The following CACNA1D variants were observed in gnomAD, a reference collection of about 807,000 sequenced individuals.
The protein encoded by CACNA1D is voltage-dependent L-type calcium channel subunit alpha-1D.
Under a neutral mutation model 257.1 loss-of-function variants are expected in CACNA1D, and 55 were observed. That is an observed-to-expected ratio of 0.21 (90% confidence interval 0.17 to 0.27). The LOEUF (loss-of-function observed/expected upper bound fraction) is 0.27. CACNA1D is among the 10% of genes least tolerant of loss of function. CACNA1D has a pLI of 1.00. For synonymous variants in CACNA1D, 980 were observed against 1,014.9 expected (o/e 0.97, Z 0.65); for missense variants, 1,876 against 2,784.0 (o/e 0.67, Z 7.34).
intron 21 of CACNA1D, chr3:53,740,567 G>GTT: frequency 4.3e-5 from 16 of 372,126 alleles, no homozygotes; most frequent in South Asian, 8.3e-5. Context: ...TTTTTTATGG[G>GTT]TTTTTTTTTT....
chr3:53,622,156 A>G (rs1210320149), intron 3 of CACNA1D, among the ~76,000 whole-genome samples: 1 of 152,096 alleles, frequency 6.6e-6, no homozygotes, highest in Non-Finnish European at 1.5e-5. Flanking sequence ...GTTCAGGTGA[A>G]TCTCCTGCCT....
In CACNA1D at chr3:53,705,749, T is replaced by C. The variant is rs542230599; in HGVS notation, c.1390+2939T>C. 9.2e-5 allele frequency among the ~76,000 whole-genome samples: 14 copies of C among 152,274 alleles called. No homozygotes were observed. In the East Asian group the frequency reaches 1.5e-3, roughly 17 times the overall value. ...GACTTGAGAGCACCAAGTCTCCTCC[T>C]CCTCTGAGGAGAGAACCTCTCTGAT... On this transcript the variant is annotated intron_variant, in intron 9 of 47. Coordinates refer to ENST00000350061, the MANE Select transcript of CACNA1D (RefSeq NM_001128840.3).
At chr3:53,682,539 A>G (rs149081178) in intron 8 of CACNA1D, among the ~76,000 whole-genome samples, 136 of 147,730 alleles carry the variant, frequency 9.2e-4, no homozygotes, top group Middle Eastern at 7.0e-3. Flanking sequence ...CCTGGGGAGC[A>G]GAGTGAGACC....
chr3:53,742,973 G>A (rs1041183551), intron 21 of CACNA1D, 38 bp from the exon 22 acceptor site: 17 of 1,369,992 alleles, frequency 1.2e-5, no homozygotes, highest in Non-Finnish European at 1.8e-5. Flanking sequence ...TTCCTTTGGA[G>A]ACAAAAAATG....
At chr3:53,496,105 A>G (rs886328941) in intron 1 of CACNA1D, among the ~76,000 whole-genome samples, 1 of 152,134 alleles carries the variant, frequency 6.6e-6, no homozygotes, top group Non-Finnish European at 1.5e-5. Flanking sequence ...AGGCTTTCAG[A>G]CCCGTGCTTG....
At chr3:53,710,765 T>C (rs1452519862) in intron 9 of CACNA1D, among the ~76,000 whole-genome samples, 5 of 152,250 alleles carry the variant, frequency 3.3e-5, no homozygotes, top group African/African-American at 1.2e-4. Flanking sequence ...AGGCAGACTT[T>C]TAAAATACTT....
At chr3:53,604,572 A>C (rs1256973508) in intron 3 of CACNA1D, among the ~76,000 whole-genome samples, 1 of 152,204 alleles carries the variant, frequency 6.6e-6, no homozygotes, top group Admixed American at 6.5e-5. Flanking sequence ...CATGGGACCA[A>C]CATCTAGCAG....
chr3:53,728,200 G>A (rs1033510541), intron 15 of CACNA1D, among the ~76,000 whole-genome samples: 7 of 152,148 alleles, frequency 4.6e-5, no homozygotes, highest in Non-Finnish European at 5.9e-5. Context: ...GTGCAGTGGT[G>A]CAATCTCGGC....
chr3:53,736,752 G>A (rs987161009), intron 20 of CACNA1D, among the ~76,000 whole-genome samples: 3 of 152,054 alleles, frequency 2.0e-5, no homozygotes, highest in Admixed American at 6.6e-5. Context: ...TTAGCCACAC[G>A]TATTGGCACA....
chr3:53,803,939 G>C (rs2095548939), intron 44 of CACNA1D, among the ~76,000 whole-genome samples: 1 of 152,174 alleles, frequency 6.6e-6, no homozygotes, highest in Non-Finnish European at 1.5e-5. Context: ...CCAGGGCTCT[G>C]TGTGGACGGC....
intron 28 of CACNA1D, among the ~76,000 whole-genome samples, chr3:53,753,007 G>A (rs1173722503): frequency 1.3e-5 from 2 of 152,206 alleles, no homozygotes; most frequent in East Asian, 3.9e-4. Flanking sequence ...GCCAGCTTTT[G>A]CACTGACTTT....
intron 3 of CACNA1D, among the ~76,000 whole-genome samples, chr3:53,626,881 A>G (rs2093765567): frequency 6.6e-6 from 1 of 152,122 alleles, no homozygotes; most frequent in African/African-American, 2.4e-5. Flanking sequence ...ACGAAACGTC[A>G]GTGTTTTCAT....
chr3:53,566,345 C>T (rs2092835729), intron 3 of CACNA1D, among the ~76,000 whole-genome samples: 2 of 152,298 alleles, frequency 1.3e-5, no homozygotes, highest in Admixed American at 6.5e-5. Context: ...ATTTGCTCTC[C>T]TCTTCCTTCT....
At chr3:53,707,805 AG>A (rs1475801854) in intron 9 of CACNA1D, among the ~76,000 whole-genome samples, 1 of 151,872 alleles carries the variant, frequency 6.6e-6, no homozygotes, top group Non-Finnish European at 1.5e-5. Flanking sequence ...AAAAAAAAAA[AG>A]CATTAAAAAT....
intron 42 of CACNA1D, 92 bp from the exon 43 acceptor site, chr3:53,802,055 C>T (rs2095538918): frequency 8.8e-7 from 1 of 1,135,618 alleles, no homozygotes; most frequent in African/African-American, 1.5e-5. Context: ...AACCCCTACT[C>T]TAGGAGGTAG....
chr3:53,790,331 C>T (rs1373275208), intron 40 of CACNA1D, among the ~76,000 whole-genome samples: 1 of 152,262 alleles, frequency 6.6e-6, no homozygotes, highest in Non-Finnish European at 1.5e-5. Context: ...AAGTTACAGA[C>T]ACTCATTAGT....
chr3:53,674,249 G>A (rs2094352506), intron 8 of CACNA1D, among the ~76,000 whole-genome samples: 1 of 152,138 alleles, frequency 6.6e-6, no homozygotes, highest in Non-Finnish European at 1.5e-5. Flanking sequence ...TACTTCCAGG[G>A]GAGTTTTAGA....
intron 45 of CACNA1D, among the ~76,000 whole-genome samples, chr3:53,807,206 C>CGCT (rs1002499661): frequency 6.6e-6 from 1 of 152,038 alleles, no homozygotes; most frequent in Non-Finnish European, 1.5e-5. Context: ...GGAGAGGGAC[C>CGCT]GCTGCTCTCC....
rs3774435 is a variant in CACNA1D at position 53,534,494 on chromosome 3, G to A, written c.483+32774G>A. ...TCCGCATCTTCCTGCCTGGGAGGGC[G>A]GCTAGGGTGGTGCCTGCAGCCTCTG... is the stretch of plus-strand genomic sequence containing the variant. On this transcript the variant is annotated intron_variant, in intron 3 of 47. Coordinates refer to ENST00000350061, the MANE Select transcript of CACNA1D (RefSeq NM_001128840.3). Among the ~76,000 whole-genome samples the A allele has an allele frequency of 6.6e-5, 10 of 152,266 alleles. No individual in the cohort carries two copies. In the East Asian group the frequency reaches 1.2e-3, roughly 18 times the overall value.
Sources: gnomAD v4.1 joint callset for allele counts (sites outside exome capture counted in the v4.1 genomes callset) on GRCh38, gnomAD v4.1.1 for gene constraint, MANE v1.5 for transcripts, NCBI Gene and HGNC (gene_info 2026-07-23, HGNC 2026-07-21) for gene names.